Variants in SGCD observed in about 807,000 individuals in gnomAD.
SGCD encodes sarcoglycan delta, also known as delta-sarcoglycan.
A neutral mutation model predicts 36.6 loss-of-function variants in SGCD; 18 were observed. The ratio of observed to expected loss-of-function variants is 0.49; its 90% CI spans 0.34 to 0.73. SGCD has a LOEUF of 0.73. Ranked by LOEUF, SGCD falls within the 30% of genes least tolerant of loss-of-function variation. The pLI is 0.01. For missense variants in SGCD, 387 were observed against 346.7 expected, an observed-to-expected ratio of 1.12 and a Z score of -0.92; for synonymous variants, 133 against 130.6, an observed-to-expected ratio of 1.02 and a Z score of -0.12.
At chr5:155,911,861 A>G (rs1379571779) in intron 1 of SGCD, among the ~76,000 whole-genome samples, 2 of 152,040 alleles carry the variant, frequency 1.3e-5, no homozygotes, top group Admixed American at 6.6e-5. Context: ...TCCATTGTAC[A>G]CTGCATCTCA....
At chr5:156,341,589 T>C (rs1334938215) in intron 2 of SGCD, among the ~76,000 whole-genome samples, 3 of 152,222 alleles carry the variant, frequency 2.0e-5, no homozygotes, top group Non-Finnish European at 4.4e-5. Flanking sequence ...TCTAGACCAA[T>C]GGCATGTAAT....
At chr5:156,049,351 A>G (rs1161100483) in intron 1 of SGCD, among the ~76,000 whole-genome samples, 2 of 145,866 alleles carry the variant, frequency 1.4e-5, no homozygotes, top group African/African-American at 2.5e-5. Flanking sequence ...GTTTTTTCCA[A>G]TTCTGTGAAG....
intron 3 of SGCD, 53 bp downstream of exon 3, chr5:156,344,730 G>A (rs1271364809): frequency 7.4e-7 from 1 of 1,354,642 alleles, no homozygotes; most frequent in East Asian, 2.4e-5. Context: ...GGGAAGCGTG[G>A]GGCAAGATGA....
At chr5:156,492,341 G>A (rs939108321) in intron 3 of SGCD, among the ~76,000 whole-genome samples, 2 of 151,978 alleles carry the variant, frequency 1.3e-5, no homozygotes, top group South Asian at 2.1e-4. Flanking sequence ...TGGTTAGGGA[G>A]GCTGACAAAA....
At chr5:156,091,847 A>T (rs1401200230) in intron 1 of SGCD, among the ~76,000 whole-genome samples, 1 of 152,206 alleles carries the variant, frequency 6.6e-6, no homozygotes, top group African/African-American at 2.4e-5. Context: ...CTAAATTTTT[A>T]TGCTTCCTGT....
intron 3 of SGCD, among the ~76,000 whole-genome samples, chr5:156,285,596 G>A (rs1306835829): frequency 1.3e-5 from 2 of 152,120 alleles, no homozygotes; most frequent in African/African-American, 2.4e-5. Context: ...TTTAATAAAT[G>A]GTACTGGGAA....
intron 4 of SGCD, among the ~76,000 whole-genome samples, chr5:156,560,237 C>T (rs568688502): frequency 1.5e-4 from 23 of 152,276 alleles, no homozygotes; most frequent in Non-Finnish European, 3.2e-4. Flanking sequence ...AGCAAACATG[C>T]TGTAATGAGA....
chr5:156,382,344 T>G (rs911566095), intron 3 of SGCD, among the ~76,000 whole-genome samples: 4 of 152,168 alleles, frequency 2.6e-5, no homozygotes, highest in African/African-American at 9.7e-5. Context: ...AGAAGCTCAC[T>G]CATGTTACTG....
intron 1 of SGCD, among the ~76,000 whole-genome samples, chr5:155,982,866 G>A (rs1170902323): frequency 6.6e-6 from 1 of 152,138 alleles, no homozygotes; most frequent in African/African-American, 2.4e-5. Context: ...CCGAAACAGA[G>A]GATGTGTGGT....
At chr5:155,805,284 G>C in the SGCD span, among the ~76,000 whole-genome samples, 1 of 152,162 alleles carries the variant, frequency 6.6e-6, no homozygotes, top group Non-Finnish European at 1.5e-5. Context: ...GTTTGAAATA[G>C]AGTCTCAAGC....
chr5:156,178,141 CTG>C (rs1158901611), intron 3 of SGCD, among the ~76,000 whole-genome samples: 1 of 151,904 alleles, frequency 6.6e-6, no homozygotes, highest in Non-Finnish European at 1.5e-5. Flanking sequence ...CTGTGAAAAA[CTG>C]TGATTGTGTG....
chr5:156,285,072 AAT>A (rs1374496637), intron 3 of SGCD, among the ~76,000 whole-genome samples: 5 of 152,214 alleles, frequency 3.3e-5, no homozygotes, highest in Non-Finnish European at 7.3e-5. Flanking sequence ...TCCCATTCAC[AAT>A]TGCTTCAAAG....
intron 1 of SGCD, among the ~76,000 whole-genome samples, chr5:155,921,974 A>G (rs1756889067): frequency 1.3e-5 from 2 of 152,256 alleles, no homozygotes; most frequent in Admixed American, 1.3e-4. Flanking sequence ...TACTCTGGAA[A>G]GGGCAGTGGA....
intron 1 of SGCD, among the ~76,000 whole-genome samples, chr5:155,967,819 C>CTCCTGGAACCAGAAGCCACA (rs1166522890): frequency 1.3e-5 from 2 of 152,074 alleles, no homozygotes; most frequent in African/African-American, 4.8e-5. Flanking sequence ...TAGTGTGGCG[C>CTCCTGGAACCAGAAGCCACA]TCCTGGAACC....
At chr5:156,485,975 G>T (rs569925783) in intron 3 of SGCD, among the ~76,000 whole-genome samples, 122 of 152,180 alleles carry the variant, frequency 8.0e-4, no homozygotes, top group African/African-American at 2.8e-3. Context: ...GGTTTTGCAG[G>T]TCCTGAAACT....
the SGCD span, among the ~76,000 whole-genome samples, chr5:155,820,344 T>C: frequency 0.044 from 6,704 of 152,096 alleles, 322 homozygotes; most frequent in African/African-American, 0.12. Flanking sequence ...TCTATAGAGG[T>C]GATCAGGTGA....
chr5:156,022,783 T>C (rs1759135227), intron 1 of SGCD, among the ~76,000 whole-genome samples: 1 of 152,220 alleles, frequency 6.6e-6, no homozygotes. Flanking sequence ...CCTTTTCCTT[T>C]TTCTTATGCC....
chr5:155,913,340 T>C lies in SGCD; in HGVS notation c.-282+42916T>C, dbSNP rs538805108. Among the ~76,000 whole-genome samples the C allele has an allele frequency of 7.9e-5, 12 of 152,274 alleles. No homozygotes were observed. In the East Asian group the frequency reaches 1.9e-3, roughly 24 times the overall value. On this transcript the variant is annotated intron_variant, in intron 1 of 9. Transcript: ENST00000517913. ...ATTTCATCTGGAAGGGGGATTCCAATTGATCTTTGTGACTCCAGAGAGCAC... is the reference window on the plus strand; with the variant it reads ...ATTTCATCTGGAAGGGGGATTCCAACTGATCTTTGTGACTCCAGAGAGCAC...
At position 156,086,876 on chromosome 5, in the gene SGCD, C is replaced by T. The variant is rs949902419; in HGVS notation, c.-281-31002C>T. On this transcript the variant is annotated intron_variant, in intron 1 of 9. Transcript: ENST00000517913. ...CTCTCTGCTGGCAGCTAATTCCATTCTCTTCCTATGGATAGTGGATATGCA... is the reference window on the plus strand; with the variant it reads ...CTCTCTGCTGGCAGCTAATTCCATTTTCTTCCTATGGATAGTGGATATGCA... Among the ~76,000 whole-genome samples the T allele has an allele frequency of 2.0e-5, 3 of 152,230 alleles. No individual in the cohort carries two copies. In the East Asian group the frequency reaches 5.8e-4, roughly 29 times the overall value.
Sources: gnomAD v4.1 joint callset for allele counts (sites outside exome capture counted in the v4.1 genomes callset) on GRCh38, gnomAD v4.1.1 for gene constraint, MANE v1.5 for transcripts, NCBI Gene and HGNC (gene_info 2026-07-23, HGNC 2026-07-21) for gene names.